Variants in PRKAB2 observed in about 807,000 individuals in gnomAD.
The protein encoded by PRKAB2 is 5'-AMP-activated protein kinase subunit beta-2.
Under a neutral mutation model 29.8 loss-of-function variants are expected in PRKAB2, and 18 were observed. The observed-to-expected ratio is 0.60, with a 90% CI of 0.42 to 0.89. PRKAB2 has a LOEUF of 0.89. Ranked by LOEUF, PRKAB2 falls within the 40% of genes least tolerant of loss-of-function variation. The pLI is 0.00. For synonymous variants in PRKAB2, 136 were observed against 125.9 expected (o/e 1.08, Z -0.54); for missense variants, 270 against 344.3 (o/e 0.78, Z 1.71).
chr1:147,165,408 G>C (rs1654191873), intron 5 of PRKAB2, among the ~76,000 whole-genome samples: 1 of 152,160 alleles, frequency 6.6e-6, no homozygotes, highest in Non-Finnish European at 1.5e-5. Flanking sequence ...TGCCTCCTCA[G>C]CTGAGAATCA....
chr1:147,164,466 T>C (rs1654134396), intron 5 of PRKAB2, among the ~76,000 whole-genome samples: 1 of 152,120 alleles, frequency 6.6e-6, no homozygotes, highest in Non-Finnish European at 1.5e-5. Context: ...ATGTGTCAAT[T>C]AAAAATAAAA....
rs1335333394 is a variant in PRKAB2, at chr1:147,156,484, T to C, written c.*3081A>G. On this transcript the variant is annotated 3_prime_UTR_variant, in exon 8 of 8. Transcript: ENST00000254101. ...CTAGAAAGAATTAGAGCAAAGTGAG[T>C]GGGCCTGGGTTTGTAGGATCCTCAC... is the stretch of plus-strand genomic sequence containing the variant. 2 of 152,110 alleles carry C rather than the reference T, an allele frequency of 1.3e-5. No individual in the cohort carries two copies. The highest frequency in any genetic ancestry group is 2.9e-5 in the Non-Finnish European group (2 of 67,998). The allele number at this position is 152,110 out of a possible 1,614,324, so 9.4% of individuals were successfully genotyped here.
At chr1:147,171,547 T>C (rs1253413936) in intron 2 of PRKAB2, among the ~76,000 whole-genome samples, 3 of 152,188 alleles carry the variant, frequency 2.0e-5, no homozygotes, top group African/African-American at 2.4e-5. Context: ...TACTGATACA[T>C]AGAAATTTTC....
At chr1:147,168,025 G>A in intron 2 of PRKAB2, 92 bp from the exon 3 acceptor site, 3 of 1,368,216 alleles carry the variant, frequency 2.2e-6, no homozygotes, top group South Asian at 1.6e-5. Flanking sequence ...AAGGGTGCTA[G>A]GCTTTGGCTA....
chr1:147,165,936 C>T (rs999449559), intron 5 of PRKAB2, among the ~76,000 whole-genome samples: 1 of 152,106 alleles, frequency 6.6e-6, no homozygotes, highest in East Asian at 1.9e-4. Context: ...TTGTTGGGAC[C>T]ACAGGCATGT....
Position 147,158,466 on chromosome 1 carries a change from T to C in PRKAB2, c.*1099A>G, listed in dbSNP as rs1653782957. 1 of 152,098 alleles carries C rather than the reference T, an allele frequency of 6.6e-6. No individual in the cohort carries two copies. Among genetic ancestry groups the C allele is most frequent in the Non-Finnish European group, 1.5e-5 (1 of 68,008 alleles). 9.4% of individuals were successfully genotyped at this position (152,098 alleles called of 1,614,324 possible). A position where few individuals can be genotyped will look rare whatever the true frequency, so the allele number is the denominator to read the frequency against. On this transcript the variant is annotated 3_prime_UTR_variant, in exon 8 of 8. Coordinates refer to ENST00000254101, the MANE Select transcript of PRKAB2 (RefSeq NM_005399.5). ...GGTTGGCCATATTAATCTAAGAATG[T>C]GGAAGGCTAGACTAGAGAAGAAAAT...
rs188632850 is a variant in PRKAB2, at chr1:147,169,840, T to G, written c.157-1907A>C. On this transcript the variant is annotated intron_variant, in intron 2 of 7. Transcript: ENST00000254101. The stretch of plus-strand genomic sequence containing the variant: ...AAAGAAATCTGAGGTGATTCTAATG[T>G]GCAAACAGGATTGAGAACCACTGAA... Among the ~76,000 whole-genome samples the G allele has an allele frequency of 1.3e-3, 200 of 152,340 alleles. 1 individual carries two copies. Among genetic ancestry groups the G allele is most frequent in the African/African-American group, 4.7e-3 (196 of 41,586 alleles).
At chr1:147,169,737 C>A (rs905928977) in intron 2 of PRKAB2, among the ~76,000 whole-genome samples, 1 of 152,148 alleles carries the variant, frequency 6.6e-6, no homozygotes, top group African/African-American at 2.4e-5. Context: ...ATTGTTCAAA[C>A]TGGGTGGCAT....
At chr1:147,170,585 T>C (rs1447560557) in intron 2 of PRKAB2, among the ~76,000 whole-genome samples, 1 of 150,302 alleles carries the variant, frequency 6.7e-6, no homozygotes, top group South Asian at 2.2e-4. Context: ...GTTGGTTTTT[T>C]TGTTTTTTTG....
chr1:147,171,010 T>C (rs1412055812), intron 2 of PRKAB2, among the ~76,000 whole-genome samples: 2 of 152,222 alleles, frequency 1.3e-5, no homozygotes, highest in African/African-American at 2.4e-5. Context: ...GATGAAATGA[T>C]AGGAAACATC....
chr1:147,171,260 T>A (rs1553914323), intron 2 of PRKAB2, among the ~76,000 whole-genome samples: 1 of 152,214 alleles, frequency 6.6e-6, no homozygotes, highest in Admixed American at 6.5e-5. Flanking sequence ...GTCGTTTTTT[T>A]AGCCACGCAA....
intron 7 of PRKAB2, chr1:147,160,724 A>G (rs1653911555): frequency 6.6e-6 from 1 of 152,166 alleles, no homozygotes; most frequent in African/African-American, 2.4e-5. Flanking sequence ...ACCTGGCATA[A>G]TGATAATATA....
chr1:147,161,864 G>A, intron 6 of PRKAB2, 84 bp from the exon 7 acceptor site: 1 of 1,097,296 alleles, frequency 9.1e-7, no homozygotes, highest in Admixed American at 2.6e-5. Flanking sequence ...CTCTTCCTCA[G>A]AGCTCTTTGA....
chr1:147,162,376 C>T, intron 6 of PRKAB2, 64 bp downstream of exon 6: 1 of 1,481,488 alleles, frequency 6.7e-7, no homozygotes, highest in African/African-American at 1.4e-5. Flanking sequence ...TCTAGGATTA[C>T]TGAACTTTGG....
intron 7 of PRKAB2, 47 bp from the exon 8 acceptor site, chr1:147,159,689 T>A: frequency 1.3e-6 from 2 of 1,527,530 alleles, no homozygotes; most frequent in Non-Finnish European, 1.8e-6. Context: ...CTTCAGACAG[T>A]AGGTAGCTCT....
intron 2 of PRKAB2, among the ~76,000 whole-genome samples, chr1:147,169,182 T>G (rs587705795): frequency 4.1e-5 from 6 of 144,834 alleles, no homozygotes; most frequent in Middle Eastern, 3.4e-3. Flanking sequence ...ATAATGTGGG[T>G]TTTTTTTTAA....
At chr1:147,164,160 A>ACAT (rs1553913411) in intron 5 of PRKAB2, among the ~76,000 whole-genome samples, 2 of 152,076 alleles carry the variant, frequency 1.3e-5, no homozygotes, top group African/African-American at 4.8e-5. Context: ...GCTGGTCTCA[A>ACAT]ACTCCTGGAC....
intron 4 of PRKAB2, 26 bp from the exon 5 acceptor site, chr1:147,166,644 T>C (rs782646471): frequency 1.2e-6 from 2 of 1,607,380 alleles, no homozygotes; most frequent in Non-Finnish European, 1.7e-6. Context: ...GAAAAAATTA[T>C]TGAATCTCTC....
In PRKAB2 at chr1:147,162,550, G is replaced by A. The variant is rs1317018433; in HGVS notation, c.562C>T (p.Pro188Ser). 3 of 1,611,378 alleles carry A rather than the reference G, an allele frequency of 1.9e-6. No individual in the cohort carries two copies. The highest frequency in any genetic ancestry group is 2.2e-5 in the East Asian group (1 of 44,750). ...CRDLSSSPPGPYGQEMYAFRS... is the reference protein window; with the variant it reads ...CRDLSSSPPGSYGQEMYAFRS... The stretch of plus-strand genomic sequence containing the variant: ...AACGCATACATTTCTTGACCATAAG[G>A]CCCTGGGGGTGAGCTGGAAAGGTCT... Residue 188 changes from proline to serine, a missense_variant, in exon 6 of 8, where the codon CCT becomes TCT. Physicochemically the swap from Pro to Ser is moderately conservative, Grantham distance 74 (BLOSUM62 -1). Around this residue, in one of 2 missense-constraint regions of PRKAB2, gnomAD observed 228 missense variants for 255.5 expected, o/e 0.89. Coordinates refer to ENST00000254101, the MANE Select transcript of PRKAB2 (RefSeq NM_005399.5).
Sources: allele counts gnomAD v4.1 joint callset (sites outside exome capture counted in the v4.1 genomes callset), GRCh38; gene constraint gnomAD v4.1.1; regional missense constraint gnomAD v4.1.1; transcripts MANE v1.5; gene names NCBI Gene and HGNC (gene_info 2026-07-23, HGNC 2026-07-21).